Variants in MICU1 observed in about 807,000 individuals in gnomAD.
MICU1 encodes mitochondrial calcium uptake 1.
MICU1 carries 45 observed loss-of-function variants against 56.8 expected under a neutral mutation model. That is an observed-to-expected ratio of 0.79 (90% CI 0.62 to 1.02). MICU1 has a LOEUF of 1.02. Among genes scored for constraint, MICU1 ranks in the 50% least tolerant of loss-of-function variants. MICU1 has a pLI of 0.00. For synonymous variants in MICU1, 186 were observed against 195.1 expected, an observed-to-expected ratio of 0.95 and a Z score of 0.39; for missense variants, 504 against 587.1, an observed-to-expected ratio of 0.86 and a Z score of 1.46.
intron 8 of MICU1, among the ~76,000 whole-genome samples, chr10:72,448,121 A>ATGTGTGTGTGTGTGTGTG (rs150733309): frequency 2.5e-5 from 3 of 121,786 alleles, no homozygotes; most frequent in African/African-American, 3.3e-5. Context: ...GTTTATATAT[A>ATGTGTGTGTGTGTGTGTG]TGTGTGTGTG....
intron 9 of MICU1, among the ~76,000 whole-genome samples, chr10:72,417,007 C>G (rs1247402131): frequency 1.3e-5 from 2 of 152,174 alleles, no homozygotes; most frequent in Non-Finnish European, 2.9e-5. Flanking sequence ...GAGGCAGACA[C>G]TGGTGTGCTC....
chr10:72,489,027 G>A (rs1866562656), intron 6 of MICU1, among the ~76,000 whole-genome samples: 1 of 152,154 alleles, frequency 6.6e-6, no homozygotes, highest in South Asian at 2.1e-4. Flanking sequence ...TGTAGCTCAT[G>A]CCTGTAATCC....
Position 72,368,360 on chromosome 10 carries a change from AG to A in MICU1, c.1271-6del, listed in dbSNP as rs1862216612. 1 of 1,611,304 alleles carries A rather than the reference AG, an allele frequency of 6.2e-7. No individual in the cohort carries two copies. The highest frequency in any genetic ancestry group is 1.7e-5 in the Admixed American group (1 of 59,974). Reference sequence around the variant, plus strand: ...TATTGCTCAGTTCGCCATTGCCTAGAGGAAGAGGCAAAAACAACAGGGATAA... The same window carrying A: ...TATTGCTCAGTTCGCCATTGCCTAGAGAAGAGGCAAAAACAACAGGGATAA... On this transcript the variant is annotated splice_polypyrimidine_tract_variant and splice_region_variant and intron_variant, in intron 11 of 11. Coordinates refer to ENST00000361114, the MANE Select transcript of MICU1 (RefSeq NM_001195518.2).
chr10:72,482,119 G>A (rs1027207659), intron 6 of MICU1, among the ~76,000 whole-genome samples: 3 of 152,118 alleles, frequency 2.0e-5, no homozygotes, highest in Non-Finnish European at 2.9e-5. Flanking sequence ...GCTGTCCTGA[G>A]ACTTTCACTG....
intron 8 of MICU1, among the ~76,000 whole-genome samples, chr10:72,465,302 G>GT (rs1436089071): frequency 8.9e-4 from 91 of 102,360 alleles, no homozygotes; most frequent in Non-Finnish European, 1.6e-3. Context: ...CCAGCCCATA[G>GT]TTTTTTGTTT....
At chr10:72,572,011 G>GT (rs1330953097) in intron 1 of MICU1, among the ~76,000 whole-genome samples, 9 of 143,658 alleles carry the variant, frequency 6.3e-5, no homozygotes, top group African/African-American at 2.0e-4. Flanking sequence ...AGGTACTATG[G>GT]TAAAAAAAAA....
At chr10:72,419,463 C>T (rs1030375772) in intron 9 of MICU1, among the ~76,000 whole-genome samples, 1 of 152,220 alleles carries the variant, frequency 6.6e-6, no homozygotes, top group Admixed American at 6.5e-5. Context: ...GACACTTCCT[C>T]TCAGAGCCAG....
intron 8 of MICU1, among the ~76,000 whole-genome samples, chr10:72,472,859 G>T (rs1865991997): frequency 6.6e-6 from 1 of 152,202 alleles, no homozygotes; most frequent in Non-Finnish European, 1.5e-5. Flanking sequence ...CAGCAGTTTG[G>T]GAGGCCGAGG....
chr10:72,576,225 C>CAAAAAAAAAAAAAAA (rs34829939), intron 1 of MICU1, among the ~76,000 whole-genome samples: 12 of 68,164 alleles, frequency 1.8e-4, no homozygotes, highest in Admixed American at 2.0e-4. Flanking sequence ...AAAAAAACAC[C>CAAAAAAAAAAAAAAA]AAAAAAAAAA....
chr10:72,548,488 C>CAAAAGTATTT (rs1839950813), intron 4 of MICU1, among the ~76,000 whole-genome samples: 3 of 152,118 alleles, frequency 2.0e-5, no homozygotes, highest in Non-Finnish European at 2.9e-5. Context: ...ATTTTAGAGA[C>CAAAAGTATTT]ACATGCAAAA....
chr10:72,461,216 C>A (rs532005661), intron 8 of MICU1, among the ~76,000 whole-genome samples: 3 of 152,306 alleles, frequency 2.0e-5, no homozygotes, highest in Admixed American at 2.0e-4. Flanking sequence ...TCAATTTAAG[C>A]CTGGCTTGGG....
At chr10:72,528,652 G>A (rs984639411) in intron 5 of MICU1, 8 of 166,156 alleles carry the variant, frequency 4.8e-5, no homozygotes, top group South Asian at 1.2e-4. Context: ...ACCCTATGTC[G>A]TAATTTACAT....
intron 1 of MICU1, among the ~76,000 whole-genome samples, chr10:72,602,434 A>G (rs985881203): frequency 1.3e-5 from 2 of 151,862 alleles, no homozygotes; most frequent in South Asian, 2.1e-4. Context: ...CTGGGCAACA[A>G]AGCGAGATTC....
chr10:72,437,116 T>G (rs1864755038), intron 8 of MICU1, among the ~76,000 whole-genome samples: 1 of 151,986 alleles, frequency 6.6e-6, no homozygotes, highest in African/African-American at 2.4e-5. Flanking sequence ...AAGGTTAAAA[T>G]GAAGGAAAAA....
chr10:72,437,964 C>T (rs1401204513), intron 8 of MICU1, among the ~76,000 whole-genome samples: 1 of 152,112 alleles, frequency 6.6e-6, no homozygotes, highest in Non-Finnish European at 1.5e-5. Flanking sequence ...CTTTAACACC[C>T]CACTGTCAAT....
intron 8 of MICU1, among the ~76,000 whole-genome samples, chr10:72,429,661 C>T (rs773284496): frequency 6.6e-6 from 1 of 151,980 alleles, no homozygotes; most frequent in African/African-American, 2.4e-5. Flanking sequence ...CACTTCTGTC[C>T]TATTGTTGGG....
chr10:72,602,972 C>T (rs965759165), intron 1 of MICU1, among the ~76,000 whole-genome samples: 3 of 149,424 alleles, frequency 2.0e-5, no homozygotes, highest in African/African-American at 7.5e-5. Context: ...AAAAATTAGC[C>T]GGGCGTGGTG....
At chr10:72,379,162 A>G (rs535462096) in intron 10 of MICU1, among the ~76,000 whole-genome samples, 14 of 152,356 alleles carry the variant, frequency 9.2e-5, no homozygotes, top group Non-Finnish European at 1.9e-4. Context: ...AAATCAGGCC[A>G]ATTTGCAATA....
chr10:72,475,031 C>T (rs1256081583), intron 8 of MICU1, 69 bp downstream of exon 8: 5 of 1,361,456 alleles, frequency 3.7e-6, no homozygotes, highest in Non-Finnish European at 5.0e-6. Context: ...GAAAGAATGC[C>T]TATAGTACAG....
Sources: gnomAD v4.1 joint callset for allele counts (sites outside exome capture counted in the v4.1 genomes callset) on GRCh38, gnomAD v4.1.1 for gene constraint, MANE v1.5 for transcripts, NCBI Gene and HGNC (gene_info 2026-07-23, HGNC 2026-07-21) for gene names.